Variants in CZIB observed in about 807,000 individuals in gnomAD.
CZIB encodes UPF0587 protein C1orf123.
Under a neutral mutation model 28.3 loss-of-function variants are expected in CZIB, and 26 were observed. The ratio of observed to expected loss-of-function variants is 0.92; its 90% CI spans 0.67 to 1.27. The LOEUF (loss-of-function observed/expected upper bound fraction) is 1.27, where lower values mean the gene tolerates loss of function less well. Ranked by LOEUF, CZIB falls within the 50% of genes most tolerant of loss-of-function variation. The probability of loss-of-function intolerance (pLI) is 0.00; values close to 1 mark genes in which losing one functional copy is unlikely to be tolerated. For missense variants in CZIB, 179 were observed against 197.3 expected (o/e 0.91, Z 0.56); for synonymous variants, 78 against 71.1 (o/e 1.10, Z -0.49).
intron 2 of CZIB, chr1:53,219,183 T>A: frequency 4.4e-6 from 2 of 458,230 alleles, no homozygotes; most frequent in East Asian, 9.2e-5. Context: ...GCACCTGTGG[T>A]GCAGAAATGG....
At position 53,214,523 on chromosome 1, in the gene CZIB, G is replaced by A. The variant is rs183199670; in HGVS notation, c.*136C>T. 42 of 687,618 alleles carry A rather than the reference G, an allele frequency of 6.1e-5. No individual in the cohort carries two copies. The highest frequency in any genetic ancestry group is 3.8e-4 in the Admixed American group (15 of 39,822). 42.6% of individuals were successfully genotyped at this position (687,618 alleles called of 1,614,324 possible). On this transcript the variant is annotated 3_prime_UTR_variant, in exon 8 of 8. Transcript: ENST00000294360. ...ATGGGGCTTGGGAAGCTGTAATAAA[G>A]TCCAGCATGCAGATTGTGAAGGTTT...
At chr1:53,215,517 TAC>T (rs1338941507) in intron 7 of CZIB, among the ~76,000 whole-genome samples, 15 of 152,254 alleles carry the variant, frequency 9.9e-5, no homozygotes, top group African/African-American at 3.6e-4. Flanking sequence ...TGTCCAGTAA[TAC>T]AGACTATTTC....
intron 1 of CZIB, 46 bp downstream of exon 1, chr1:53,220,524 T>C: frequency 1.2e-6 from 2 of 1,600,258 alleles, no homozygotes; most frequent in South Asian, 1.1e-5. Context: ...TCCCAGACCC[T>C]CGCCACCTCC....
At chr1:53,218,699 G>A (rs1001380444) in intron 3 of CZIB, 168 bp downstream of exon 3, 8 of 785,504 alleles carry the variant, frequency 1.0e-5, no homozygotes, top group Non-Finnish European at 1.7e-5. Context: ...ATACCTCAAA[G>A]ATGCCTATTG....
rs753626794 is a variant in CZIB at position 53,220,569 on chromosome 1, C to G, written c.6+1G>C. ...CCCCGCGGCGGGCGGCCTCCCCTCA[C>G]CCCCATGGTAGCCCTCTCCGCCCGG... On this transcript the variant is annotated splice_donor_variant, in intron 1 of 7. Transcript: ENST00000294360. LOFTEE classifies it high-confidence loss of function. 6.3e-7 allele frequency: 1 copy of G among 1,598,978 alleles called. No homozygotes were observed. The highest frequency in any genetic ancestry group is 1.1e-5 in the South Asian group (1 of 90,960).
At chr1:53,218,319 G>C in intron 4 of CZIB, 95 bp downstream of exon 4, 1 of 1,577,806 alleles carries the variant, frequency 6.3e-7, no homozygotes, top group Non-Finnish European at 8.7e-7. Context: ...TCTTAGGCCT[G>C]ACTCCACCCT....
intron 5 of CZIB, chr1:53,217,719 T>C (rs1645483092): frequency 6.3e-6 from 1 of 158,598 alleles, no homozygotes; most frequent in South Asian, 1.9e-4. Flanking sequence ...AAATACCAAA[T>C]AAGGAATAGG....
chr1:53,219,004 G>T, intron 2 of CZIB, 81 bp from the exon 3 acceptor site: 1 of 1,246,024 alleles, frequency 8.0e-7, no homozygotes, highest in Non-Finnish European at 1.2e-6. Context: ...GTGGGAGGTG[G>T]GCAGGCTCAT....
chr1:53,218,064 T>C (rs1240115783), intron 5 of CZIB, 108 bp downstream of exon 5: 65 of 1,154,336 alleles, frequency 5.6e-5, no homozygotes, highest in Non-Finnish European at 7.4e-5. Context: ...CATGAGTGAA[T>C]GTCCTATGGC....
intron 6 of CZIB, among the ~76,000 whole-genome samples, chr1:53,216,507 G>C (rs1178985413): frequency 6.6e-6 from 1 of 152,194 alleles, no homozygotes; most frequent in Non-Finnish European, 1.5e-5. Context: ...CTTACTGTGT[G>C]ACCCTGAGCA....
At chr1:53,215,744 C>T (rs1645467539) in intron 7 of CZIB, among the ~76,000 whole-genome samples, 1 of 152,216 alleles carries the variant, frequency 6.6e-6, no homozygotes, top group Non-Finnish European at 1.5e-5. Context: ...GCCAGCAGCA[C>T]TATAGCTCAT....
At chr1:53,217,937 G>T in intron 5 of CZIB, 1 of 544,788 alleles carries the variant, frequency 1.8e-6, no homozygotes, top group Non-Finnish European at 3.3e-6. Flanking sequence ...GCTAGGTTGT[G>T]TCAGAGGTCC....
chr1:53,216,628 C>G (rs546153283), intron 6 of CZIB, among the ~76,000 whole-genome samples, 154 bp downstream of exon 6: 1 of 152,156 alleles, frequency 6.6e-6, no homozygotes, highest in South Asian at 2.1e-4. Flanking sequence ...GGCATGGGTG[C>G]CCAAGCATAC....
chr1:53,220,042 T>C (rs1645508950), intron 2 of CZIB: 2 of 536,600 alleles, frequency 3.7e-6, no homozygotes, highest in East Asian at 6.3e-5. Context: ...ACGAAATATT[T>C]AACACAGGGA....
intron 3 of CZIB, 60 bp from the exon 4 acceptor site, chr1:53,218,555 G>C: frequency 6.6e-7 from 1 of 1,516,030 alleles, no homozygotes; most frequent in African/African-American, 1.4e-5. Flanking sequence ...GTCCTGAGGA[G>C]ATCGAGCCCA....
Position 53,220,287 on chromosome 1 carries a change from C to T in CZIB, c.64G>A (p.Gly22Ser). Residue 22 changes from glycine (G) to serine (S), a missense_variant, in exon 2 of 8, where the codon GGC (glycine) becomes AGC (serine). Coordinates refer to ENST00000294360, the MANE Select transcript of CZIB (RefSeq NM_017887.3). ...LENITNLRPV[G>S]EDFRWYLKMK... is the part of the protein sequence containing the mutation. ...TTCAGGTACCACCGGAAGTCCTCGC[C>T]CACGGGCCGGAGGTTGGTGATGTTC... The T allele has an allele frequency of 6.2e-7, 1 of 1,613,634 alleles. No individual in the cohort carries two copies. The highest frequency in any genetic ancestry group is 8.5e-7 in the Non-Finnish European group (1 of 1,179,902).
At chr1:53,216,696 G>A in intron 6 of CZIB, 86 bp downstream of exon 6, 2 of 1,193,556 alleles carry the variant, frequency 1.7e-6, no homozygotes, top group Non-Finnish European at 2.5e-6. Flanking sequence ...TCTAGTCCAT[G>A]GTATCTGTAG....
intron 2 of CZIB, 66 bp downstream of exon 2, chr1:53,220,195 G>A (rs1346281260): frequency 2.2e-6 from 3 of 1,372,020 alleles, no homozygotes; most frequent in African/African-American, 2.9e-5. Flanking sequence ...CTGCCGGAGA[G>A]AAGGCTCCGG....
At chr1:53,216,710 G>A in intron 6 of CZIB, 72 bp downstream of exon 6, 1 of 1,331,182 alleles carries the variant, frequency 7.5e-7, no homozygotes, top group Non-Finnish European at 1.1e-6. Context: ...TCTGTAGGTA[G>A]CACAGTTCTG....
Sources: gnomAD v4.1 joint callset for allele counts (sites outside exome capture counted in the v4.1 genomes callset) on GRCh38, gnomAD v4.1.1 for gene constraint, MANE v1.5 for transcripts, NCBI Gene and HGNC (gene_info 2026-07-23, HGNC 2026-07-21) for gene names.